Variants in CAND2 observed in about 807,000 individuals in gnomAD.
CAND2 encodes the protein cullin-associated NEDD8-dissociated protein 2.
CAND2 carries 62 observed loss-of-function variants against 98.9 expected under a neutral mutation model. That is an observed-to-expected ratio of 0.63 (90% CI 0.51 to 0.77). The LOEUF is 0.77. Ranked by LOEUF, CAND2 falls within the 30% of genes least tolerant of loss-of-function variation. The pLI is 0.00. For synonymous variants in CAND2, 770 were observed against 731.9 expected (o/e 1.05, Z -0.84); for missense variants, 1,501 against 1,655.2 (o/e 0.91, Z 1.62).
chr3:12,803,363 C>A (rs993748319), intron 1 of CAND2, 125 bp from the exon 2 acceptor site: 2 of 810,678 alleles, frequency 2.5e-6, no homozygotes, highest in Non-Finnish European at 3.7e-6. Flanking sequence ...CATTATGTGA[C>A]ACAGGACTGC....
rs188667022 is a variant in CAND2, at chr3:12,810,332, G to T, written c.757+8G>T. 7.0e-7 allele frequency: 1 copy of T among 1,438,794 alleles called. No individual in the cohort carries two copies. Among genetic ancestry groups the T allele is most frequent in the Non-Finnish European group, 9.1e-7 (1 of 1,097,292 alleles). The allele number at this position is 1,438,794 out of a possible 1,614,324, so 89.1% of individuals were successfully genotyped here. A position where few individuals can be genotyped will look rare whatever the true frequency, so the allele number is the denominator to read the frequency against. On this transcript the variant is annotated splice_region_variant and intron_variant, in intron 5 of 14. Transcript: ENST00000456430. ...AGGCCGGCCACCGCCTCGGTAAGGGGGCAGGGGGCGGGGCCTGGGCTGGCA... is the reference window on the plus strand; with the variant it reads ...AGGCCGGCCACCGCCTCGGTAAGGGTGCAGGGGGCGGGGCCTGGGCTGGCA...
chr3:12,809,340 C>T (rs190524892), intron 4 of CAND2, among the ~76,000 whole-genome samples: 12 of 152,266 alleles, frequency 7.9e-5, no homozygotes, highest in Non-Finnish European at 1.8e-4. Flanking sequence ...ATCAGTCTGT[C>T]TTGTTCACCC....
At chr3:12,807,598 G>C (rs1020624727) in intron 3 of CAND2, 138 bp downstream of exon 3, 1 of 839,476 alleles carries the variant, frequency 1.2e-6, no homozygotes, top group African/African-American at 1.7e-5. Flanking sequence ...CTAGTAAGCA[G>C]GGCAGAGAAT....
Position 12,815,259 on chromosome 3 carries a change from C to T in CAND2, c.1125C>T (p.Cys375=), listed in dbSNP as rs748540598. ...SRPDLLPDFH[C]TLAPVLIRRF... ...CTGACCTGCTGCCCGATTTCCACTG[C>T]ACCCTGGCACCTGTGCTCATCCGCC... The change falls in exon 8 of 15, where the codon TGC becomes TGT. Residue 375 remains cysteine (C), a synonymous_variant. Coordinates refer to ENST00000456430, the MANE Select transcript of CAND2 (RefSeq NM_001162499.2). The surrounding 1 kb of genome is among the most constrained non-coding windows in gnomAD (Gnocchi z 5.7). The T allele has an allele frequency of 1.2e-6, 2 of 1,613,946 alleles. No individual in the cohort carries two copies. The highest frequency in any genetic ancestry group is 2.2e-5 in the East Asian group (1 of 44,890).
intron 14 of CAND2, 55 bp from the exon 15 acceptor site, chr3:12,833,700 G>A: frequency 7.3e-7 from 1 of 1,378,860 alleles, no homozygotes; most frequent in South Asian, 1.2e-5. Context: ...TGAGGAGGCA[G>A]TGGTGTGGGC....
intron 14 of CAND2, chr3:12,832,248 AG>A (rs2062059418): frequency 6.6e-6 from 1 of 152,242 alleles, no homozygotes; most frequent in African/African-American, 2.4e-5. Flanking sequence ...TAAAATTGGT[AG>A]TTTATTCATA....
chr3:12,807,782 T>G (rs985629493), intron 3 of CAND2, among the ~76,000 whole-genome samples: 5 of 152,198 alleles, frequency 3.3e-5, no homozygotes, highest in Admixed American at 1.3e-4. Context: ...GGCTCAATGT[T>G]GACAGGGTTC....
intron 7 of CAND2, among the ~76,000 whole-genome samples, chr3:12,814,208 C>T (rs991358602): frequency 6.6e-6 from 1 of 152,194 alleles, no homozygotes; most frequent in African/African-American, 2.4e-5. Context: ...CCAGACACCA[C>T]CCTGTGGGTC....
chr3:12,831,679 G>A (rs1274164226), intron 14 of CAND2, 107 bp downstream of exon 14: 2 of 653,282 alleles, frequency 3.1e-6, no homozygotes, highest in Middle Eastern at 3.8e-4. Context: ...AGGTGATGTT[G>A]TGAAAGTGCT....
At position 12,817,275 on chromosome 3, in the gene CAND2, C is replaced by T; in HGVS notation, c.2343C>T (p.Leu781=). 4.3e-6 allele frequency: 7 copies of T among 1,613,994 alleles called. No homozygotes were observed. Among genetic ancestry groups the T allele is most frequent in the Non-Finnish European group, 5.9e-6 (7 of 1,180,042 alleles). Reference sequence around the variant, plus strand: ...ACTATGCCAAACTCATCAGCCTGCTCACTGCGCCTGTTTATGAGCAGGCTG... The same window carrying T: ...ACTATGCCAAACTCATCAGCCTGCTTACTGCGCCTGTTTATGAGCAGGCTG... ...CVDYAKLISL[L]TAPVYEQAVD... is the part of the protein sequence containing the mutation. Residue 781 remains leucine (L), a synonymous_variant, in exon 10 of 15, where the codon CTC becomes CTT. Transcript: ENST00000456430.
chr3:12,812,912 GA>G, intron 5 of CAND2, 77 bp from the exon 6 acceptor site: 2 of 858,178 alleles, frequency 2.3e-6, no homozygotes, highest in Non-Finnish European at 3.8e-6. Context: ...CAGGTGCATA[GA>G]CAGTCTGAGT....
intron 1 of CAND2, 125 bp downstream of exon 1, chr3:12,796,913 G>A (rs2061729956): frequency 3.9e-6 from 3 of 770,006 alleles, no homozygotes; most frequent in Admixed American, 2.1e-5. Context: ...TCTTCTCCCT[G>A]CATTAAGCTG....
At chr3:12,833,008 C>T (rs1405927086) in intron 14 of CAND2, among the ~76,000 whole-genome samples, 1 of 152,188 alleles carries the variant, frequency 6.6e-6, no homozygotes, top group Non-Finnish European at 1.5e-5. Context: ...GCAGCTCTTA[C>T]TTATAGATGG....
chr3:12,817,381 C>A lies in CAND2; in HGVS notation c.2449C>A (p.Gln817Lys). 6.2e-7 allele frequency: 1 copy of A among 1,613,818 alleles called. No homozygotes were observed. The highest frequency in any genetic ancestry group is 8.5e-7 in the Non-Finnish European group (1 of 1,180,042). The change falls in exon 10 of 15, where the codon CAA (glutamine) becomes AAA (lysine). Residue 817 changes from glutamine (Q) to lysine (K), a missense_variant. By Grantham distance (53) the Gln-to-Lys change is moderately conservative. Coordinates refer to ENST00000456430, the MANE Select transcript of CAND2 (RefSeq NM_001162499.2). ...GGCAGCCCTCTCAGCTGCCTGTCCCCAAGAGGCGGCAAGCACAGCCAGTCG... is the reference window on the plus strand; with the variant it reads ...GGCAGCCCTCTCAGCTGCCTGTCCCAAAGAGGCGGCAAGCACAGCCAGTCG... ...CVAALSAACP[Q>K]EAASTASRLV...
intron 1 of CAND2, 144 bp from the exon 2 acceptor site, chr3:12,803,344 C>A (rs986124474): frequency 8.4e-6 from 6 of 716,952 alleles, no homozygotes; most frequent in African/African-American, 5.4e-5. Context: ...CTGTCACTTA[C>A]CAAAACATCA....
intron 5 of CAND2, among the ~76,000 whole-genome samples, chr3:12,811,126 G>GGT (rs1553637770): frequency 3.3e-5 from 5 of 151,448 alleles, no homozygotes; most frequent in Non-Finnish European, 7.4e-5. Context: ...GCGGGGGGTG[G>GGT]GGGGGGGAAC....
At chr3:12,820,279 G>A (rs1311512796) in intron 11 of CAND2, 98 bp downstream of exon 11, 9 of 870,100 alleles carry the variant, frequency 1.0e-5, no homozygotes, top group South Asian at 8.3e-5. Context: ...AGGGCAATGG[G>A]AGACCCGGGA....
At chr3:12,806,257 A>G (rs547477095) in intron 2 of CAND2, among the ~76,000 whole-genome samples, 7 of 152,210 alleles carry the variant, frequency 4.6e-5, no homozygotes, top group South Asian at 2.1e-4. Context: ...GCAGTGGGCT[A>G]TGATCACGCC....
In CAND2 at chr3:12,816,486, C is replaced by T; in HGVS notation, c.1554C>T (p.His518=). 2 of 1,614,034 alleles carry T rather than the reference C, an allele frequency of 1.2e-6. No individual in the cohort carries two copies. The highest frequency in any genetic ancestry group is 1.7e-6 in the Non-Finnish European group (2 of 1,180,000). Residue 518 remains histidine (H), a synonymous_variant, in exon 10 of 15, where the codon CAC becomes CAT. Coordinates refer to ENST00000456430, the MANE Select transcript of CAND2 (RefSeq NM_001162499.2). ...AACCAGCTGAGGCCTTCCACCCACA[C>T]TTGCCTATCCTCCTGCCACCTGTGA... is the stretch of plus-strand genomic sequence containing the variant. ...GTEPAEAFHP[H]LPILLPPVMA...
Sources: allele counts gnomAD v4.1 joint callset (sites outside exome capture counted in the v4.1 genomes callset), GRCh38; gene constraint gnomAD v4.1.1; non-coding constraint Gnocchi (gnomAD v3.1); transcripts MANE v1.5; gene names NCBI Gene and HGNC (gene_info 2026-07-23, HGNC 2026-07-21).